The following PTPRN2 variants were observed in gnomAD, a reference collection of about 807,000 sequenced individuals.
PTPRN2 encodes receptor-type tyrosine-protein phosphatase N2.
PTPRN2 carries 74 observed loss-of-function variants against 118.8 expected under a neutral mutation model. The ratio of observed to expected loss-of-function variants is 0.62; its 90% CI spans 0.52 to 0.76. The LOEUF is 0.76. PTPRN2 is among the 30% of genes least tolerant of loss of function. The probability of loss-of-function intolerance (pLI) is 0.00; values close to 1 mark genes in which losing one functional copy is unlikely to be tolerated. For missense variants in PTPRN2, 1,481 were observed against 1,394.4 expected (o/e 1.06, Z -0.99); for synonymous variants, 641 against 608.0 (o/e 1.05, Z -0.80).
At position 158,544,601 on chromosome 7, in the gene PTPRN2, G is replaced by T. The variant is rs192889907; in HGVS notation, c.112+42957C>A. On this transcript the variant is annotated intron_variant, in intron 1 of 22. Transcript: ENST00000389418. This position sits in a 1 kb window ranked among gnomAD's most constrained non-coding sequence, Gnocchi z 4.2. Reference sequence around the variant, plus strand: ...TGCAGTGAGCCAAGATCGCACCATTGTACTCCAGCCTGGGCAACAAGAACC... The same window carrying T: ...TGCAGTGAGCCAAGATCGCACCATTTTACTCCAGCCTGGGCAACAAGAACC... Among the ~76,000 whole-genome samples the T allele has an allele frequency of 6.6e-6, 1 of 151,418 alleles. No individual in the cohort carries two copies. Among genetic ancestry groups the T allele is most frequent in the Admixed American group, 6.6e-5 (1 of 15,204 alleles).
chr7:158,162,967 C>T (rs942270629), intron 6 of PTPRN2, among the ~76,000 whole-genome samples: 1 of 152,192 alleles, frequency 6.6e-6, no homozygotes, highest in Non-Finnish European at 1.5e-5. Flanking sequence ...TTTTCTGTTC[C>T]CTGGCATTAT....
intron 1 of PTPRN2, among the ~76,000 whole-genome samples, chr7:158,577,612 G>A (rs1828411248): frequency 6.6e-6 from 1 of 152,276 alleles, no homozygotes; most frequent in African/African-American, 2.4e-5. Flanking sequence ...GGGCTCCTAA[G>A]AAAGCCCAAA....
intron 12 of PTPRN2, among the ~76,000 whole-genome samples, chr7:157,708,700 G>A (rs2150882228): frequency 6.6e-6 from 1 of 152,280 alleles, no homozygotes; most frequent in South Asian, 2.1e-4. Flanking sequence ...AAGCAATTCA[G>A]CATTCCACAT....
rs531573162 is a variant in PTPRN2, at chr7:158,521,372, C to G, written c.113-31587G>C. Among the ~76,000 whole-genome samples, 362 of 152,320 alleles carry G rather than the reference C, an allele frequency of 2.4e-3. 4 individuals carry two copies. Among genetic ancestry groups the G allele is most frequent in the African/African-American group, 7.9e-3 (328 of 41,576 alleles). On this transcript the variant is annotated intron_variant, in intron 1 of 22. Coordinates refer to ENST00000389418, the MANE Select transcript of PTPRN2 (RefSeq NM_002847.5). The stretch of plus-strand genomic sequence containing the variant: ...GAGACAGTACTAGGTGTCTGGCTTC[C>G]CAACAGGGTGAATTATTTCTGGAAA...
chr7:158,376,930 C>G (rs1331016421), intron 2 of PTPRN2, among the ~76,000 whole-genome samples: 8 of 5,610 alleles, frequency 1.4e-3, no homozygotes, highest in Non-Finnish European at 2.7e-3. Flanking sequence ...GTCCTGCACG[C>G]GGGGTCAGGG....
At chr7:158,479,720 G>T (rs1489728563) in intron 2 of PTPRN2, among the ~76,000 whole-genome samples, 1 of 152,234 alleles carries the variant, frequency 6.6e-6, no homozygotes, top group Non-Finnish European at 1.5e-5. Flanking sequence ...CCACATGGCG[G>T]AGAGACCAGG....
At chr7:158,153,721 G>A (rs567881802) in intron 6 of PTPRN2, among the ~76,000 whole-genome samples, 49 of 152,210 alleles carry the variant, frequency 3.2e-4, no homozygotes, top group Non-Finnish European at 5.9e-4. Flanking sequence ...TGAGAAGCCC[G>A]TGGTGTGCTC....
Position 157,576,753 on chromosome 7 carries a change from C to A in PTPRN2, c.2643G>T (p.Trp881Cys). Residue 881 changes from tryptophan to cysteine, a missense_variant, in exon 19 of 23, where the codon TGG (tryptophan) becomes TGT (cysteine). Coordinates refer to ENST00000389418, the MANE Select transcript of PTPRN2 (RefSeq NM_002847.5). Reference protein sequence around the residue: ...YEVNLVSEHIWCEDFLVRSFY... With the variant: ...YEVNLVSEHICCEDFLVRSFY... ...AGCTCCTCACCAGGAAGTCCTCACA[C>A]CAGATGTGCTCGGAGACCAGGTTCA... 1 of 1,607,634 alleles carries A rather than the reference C, an allele frequency of 6.2e-7. No homozygotes were observed. Among genetic ancestry groups the A allele is most frequent in the South Asian group, 1.1e-5 (1 of 89,830 alleles).
chr7:157,944,532 G>A lies in PTPRN2; in HGVS notation c.1724-45795C>T, dbSNP rs927290685. Among the ~76,000 whole-genome samples the A allele has an allele frequency of 6.6e-5, 10 of 152,296 alleles. No homozygotes were observed. Among genetic ancestry groups the A allele is most frequent in the South Asian group, 2.1e-4 (1 of 4,824 alleles). ...TGGAAAAAGCTTCCTGCAAGCATCC[G>A]CACTGCTGCAAATATAATAATTGTT... On this transcript the variant is annotated intron_variant, in intron 11 of 22. Coordinates refer to ENST00000389418, the MANE Select transcript of PTPRN2 (RefSeq NM_002847.5). The surrounding 1 kb of genome is among the most constrained non-coding windows in gnomAD (Gnocchi z 4.3).
intron 12 of PTPRN2, among the ~76,000 whole-genome samples, chr7:157,846,151 C>T (rs1028262121): frequency 6.6e-6 from 1 of 152,038 alleles, no homozygotes; most frequent in Non-Finnish European, 1.5e-5. Context: ...GCTGGGTCTG[C>T]GTCCAGCCAG....
At position 157,801,866 on chromosome 7, in the gene PTPRN2, A is replaced by T. The variant is rs1449476636; in HGVS notation, c.1788+96807T>A. Among the ~76,000 whole-genome samples, 1 of 152,112 alleles carries T rather than the reference A, an allele frequency of 6.6e-6. No homozygotes were observed. Among genetic ancestry groups the T allele is most frequent in the Non-Finnish European group, 1.5e-5 (1 of 68,022 alleles). On this transcript the variant is annotated intron_variant, in intron 12 of 22. Coordinates refer to ENST00000389418, the MANE Select transcript of PTPRN2 (RefSeq NM_002847.5). This position sits in a 1 kb window ranked among gnomAD's most constrained non-coding sequence, Gnocchi z 4.2. ...ACGTGGCTTATCAGAAACCTGCAGGAAAACAACACAGATTTATTCTCTCAC... is the reference window on the plus strand; with the variant it reads ...ACGTGGCTTATCAGAAACCTGCAGGTAAACAACACAGATTTATTCTCTCAC...
intron 2 of PTPRN2, among the ~76,000 whole-genome samples, chr7:158,350,175 C>T (rs1319756872): frequency 6.6e-6 from 1 of 152,208 alleles, no homozygotes; most frequent in East Asian, 1.9e-4. Flanking sequence ...AAAAGCCCCA[C>T]AGATGGAGGC....
chr7:157,958,222 C>A (rs948104229), intron 11 of PTPRN2, among the ~76,000 whole-genome samples: 1 of 152,088 alleles, frequency 6.6e-6, no homozygotes, highest in Non-Finnish European at 1.5e-5. Context: ...AAACGCTCAA[C>A]AAACTAGGAG....
At chr7:158,556,405 T>G (rs189688735) in intron 1 of PTPRN2, among the ~76,000 whole-genome samples, 4 of 151,954 alleles carry the variant, frequency 2.6e-5, no homozygotes, top group African/African-American at 9.7e-5. Flanking sequence ...AATACAAAAA[T>G]TAGCCGGGCA....
chr7:157,943,297 G>A (rs186142398), intron 11 of PTPRN2, among the ~76,000 whole-genome samples: 3 of 152,214 alleles, frequency 2.0e-5, no homozygotes, highest in Admixed American at 1.3e-4. Flanking sequence ...CTTACTCTGC[G>A]GACCCCCAGA....
chr7:158,085,997 G>C (rs1010775352), intron 10 of PTPRN2, among the ~76,000 whole-genome samples: 3 of 152,040 alleles, frequency 2.0e-5, no homozygotes, highest in Admixed American at 2.0e-4. Context: ...TGTTTTCTCC[G>C]TCAGGCACAT....
chr7:157,749,150 GCTGTTGAGGTGATTCTGAGGCCT>G (rs1175067814), intron 12 of PTPRN2, among the ~76,000 whole-genome samples: 11 of 23,504 alleles, frequency 4.7e-4, no homozygotes, highest in African/African-American at 9.4e-4. Context: ...TGAGCTGTGG[GCTGTTGAGGTGATTCTGAGGCCT>G]GTGTCCCTGA....
chr7:158,169,909 C>G (rs1214843780), intron 5 of PTPRN2, among the ~76,000 whole-genome samples: 4 of 151,970 alleles, frequency 2.6e-5, no homozygotes, highest in Admixed American at 2.0e-4. Flanking sequence ...CCAGGCTGGT[C>G]TCGAACTCCT....
At chr7:157,573,144 G>A (rs1331410053) in intron 19 of PTPRN2, among the ~76,000 whole-genome samples, 1 of 152,246 alleles carries the variant, frequency 6.6e-6, no homozygotes, top group African/African-American at 2.4e-5. Context: ...CAGGCCTCAG[G>A]GGTGCACCCC....
Sources: gnomAD v4.1 joint callset for allele counts (sites outside exome capture counted in the v4.1 genomes callset) on GRCh38, gnomAD v4.1.1 for gene constraint, Gnocchi (gnomAD v3.1) non-coding constraint, MANE v1.5 for transcripts, NCBI Gene and HGNC (gene_info 2026-07-23, HGNC 2026-07-21) for gene names.